The following ZC3H12B variants were observed in gnomAD, a reference collection of about 807,000 sequenced individuals.
The protein encoded by ZC3H12B is probable ribonuclease ZC3H12B.
A neutral mutation model predicts 43.9 loss-of-function variants in ZC3H12B; 7 were observed. The ratio of observed to expected loss-of-function variants is 0.16; its 90% CI spans 0.09 to 0.30. ZC3H12B has a LOEUF of 0.30. ZC3H12B is among the 10% of genes least tolerant of loss of function. ZC3H12B has a pLI of 1.00. For synonymous variants in ZC3H12B, 222 were observed against 241.7 expected (o/e 0.92, Z 0.76); for missense variants, 475 against 670.2 (o/e 0.71, Z 3.22).
chrX:65,072,817 A>G, the ZC3H12B span, among the ~76,000 whole-genome samples: 2 of 112,192 alleles, frequency 1.8e-5, no homozygotes, highest in Non-Finnish European at 3.8e-5. Context: ...GCAGGCCTCC[A>G]TATGGATGTT....
At chrX:65,181,976 A>T in the ZC3H12B span, among the ~76,000 whole-genome samples, 1 of 111,902 alleles carries the variant, frequency 8.9e-6, no homozygotes, top group Non-Finnish European at 1.9e-5. Flanking sequence ...AGCACTGTGT[A>T]CAATAGCAAA....
the ZC3H12B span, among the ~76,000 whole-genome samples, chrX:65,300,407 A>T: frequency 1.7e-4 from 19 of 111,301 alleles, no homozygotes; most frequent in Middle Eastern, 4.6e-3. Context: ...CACTCATCTG[A>T]CGACCTGTAT....
the ZC3H12B span, among the ~76,000 whole-genome samples, chrX:65,127,690 G>A: frequency 9.0e-5 from 10 of 110,866 alleles, no homozygotes; most frequent in African/African-American, 3.3e-5. Context: ...CTTGGGCATG[G>A]CTTTCTGTGG....
rs749685712 is a variant in ZC3H12B, at chrX:65,368,583, T to C, written n.126-246T>C. Among the ~76,000 whole-genome samples, 5 of 112,017 alleles carry C rather than the reference T, an allele frequency of 4.5e-5. No individual in the cohort carries two copies. In the South Asian group the frequency reaches 1.8e-3, roughly 41 times the overall value. On this transcript the variant is annotated intron_variant and non_coding_transcript_variant, in intron 1 of 5. Coordinates refer to the ZC3H12B transcript ENST00000617377. ...TAGACTGAATCTTACAGTCACAAAA[T>C]AAGTTTTCTTAGGCTTGTGGAATAT...
the ZC3H12B span, among the ~76,000 whole-genome samples, chrX:65,045,773 T>A: frequency 8.9e-6 from 1 of 112,271 alleles, no homozygotes; most frequent in Non-Finnish European, 1.9e-5. Context: ...GGAATCATTG[T>A]CTCTGGCAGC....
the ZC3H12B span, among the ~76,000 whole-genome samples, chrX:65,106,786 C>T: frequency 1.8e-5 from 2 of 111,483 alleles, no homozygotes; most frequent in Non-Finnish European, 3.8e-5. Flanking sequence ...CTAACATGAA[C>T]TGAGCACTTA....
At chrX:65,049,193 T>A in the ZC3H12B span, among the ~76,000 whole-genome samples, 3 of 111,486 alleles carry the variant, frequency 2.7e-5, no homozygotes, top group East Asian at 8.4e-4. Context: ...CACTTGTCTA[T>A]TTTTCCTTTT....
chrX:65,195,647 G>A, the ZC3H12B span, among the ~76,000 whole-genome samples: 5 of 112,525 alleles, frequency 4.4e-5, no homozygotes, highest in African/African-American at 1.3e-4. Context: ...CTCTTGGAAT[G>A]CCTGAGAGTT....
intron 3 of ZC3H12B, among the ~76,000 whole-genome samples, chrX:65,425,751 A>G (rs935650771): frequency 8.9e-6 from 1 of 111,800 alleles, no homozygotes; most frequent in Non-Finnish European, 1.9e-5. Context: ...GTGTTTATGC[A>G]ATGAATCACA....
chrX:65,277,657 T>C, the ZC3H12B span, among the ~76,000 whole-genome samples: 1 of 111,225 alleles, frequency 9.0e-6, no homozygotes, highest in Non-Finnish European at 1.9e-5. Context: ...AAAAATTTTT[T>C]GAAACAAATG....
the ZC3H12B span, among the ~76,000 whole-genome samples, chrX:65,242,955 C>T: frequency 8.9e-6 from 1 of 112,108 alleles, no homozygotes; most frequent in Non-Finnish European, 1.9e-5. Context: ...TCTCCCGTCT[C>T]TTGCCATATA....
the ZC3H12B span, among the ~76,000 whole-genome samples, chrX:65,123,467 C>T: frequency 9.0e-6 from 1 of 110,647 alleles, no homozygotes; most frequent in Non-Finnish European, 1.9e-5. Context: ...GAGGATTCCC[C>T]CTTCTTCTAT....
the ZC3H12B span, among the ~76,000 whole-genome samples, chrX:65,269,079 G>T: frequency 8.9e-6 from 1 of 111,854 alleles, no homozygotes; most frequent in East Asian, 2.8e-4. Context: ...AGGCACAGTG[G>T]CTCATGCCTG....
At chrX:65,054,323 A>G in the ZC3H12B span, among the ~76,000 whole-genome samples, 15,044 of 110,475 alleles carry the variant, frequency 0.14, 2,666 homozygotes, top group African/African-American at 0.47. Context: ...AGCTTTCTAC[A>G]TATGGCTAGC....
At chrX:65,205,549 T>A in the ZC3H12B span, among the ~76,000 whole-genome samples, 1 of 111,509 alleles carries the variant, frequency 9.0e-6, no homozygotes, top group African/African-American at 3.3e-5. Context: ...AAGCCATATA[T>A]GACAAATCCA....
the ZC3H12B span, among the ~76,000 whole-genome samples, chrX:65,139,027 C>A: frequency 9.0e-6 from 1 of 111,718 alleles, no homozygotes; most frequent in Non-Finnish European, 1.9e-5. Flanking sequence ...ATGTTTTATC[C>A]CATTTCATAG....
At chrX:65,060,882 G>A in the ZC3H12B span, among the ~76,000 whole-genome samples, 1 of 111,752 alleles carries the variant, frequency 8.9e-6, no homozygotes, top group Admixed American at 9.5e-5. Flanking sequence ...CAACAGTGAA[G>A]CCATCAGGTC....
chrX:65,105,769 G>C, the ZC3H12B span, among the ~76,000 whole-genome samples: 2 of 111,033 alleles, frequency 1.8e-5, no homozygotes, highest in Non-Finnish European at 3.8e-5. Flanking sequence ...GCATTTTTTG[G>C]GAAACTGCTT....
the ZC3H12B span, among the ~76,000 whole-genome samples, chrX:65,249,196 G>T: frequency 8.9e-6 from 1 of 111,882 alleles, no homozygotes; most frequent in Non-Finnish European, 1.9e-5. Flanking sequence ...TTATCTTCTA[G>T]AATTTTTATA....
Sources: allele counts gnomAD v4.1 joint callset (sites outside exome capture counted in the v4.1 genomes callset), GRCh38; gene constraint gnomAD v4.1.1; transcripts MANE v1.5; gene names NCBI Gene and HGNC (gene_info 2026-07-23, HGNC 2026-07-21).